FAT4: variants seen among roughly 807,000 people sequenced by gnomAD.
The protein encoded by FAT4 is protocadherin Fat 4.
FAT4 carries 84 observed loss-of-function variants against 303.9 expected under a neutral mutation model. The ratio of observed to expected loss-of-function variants is 0.28; its 90% confidence interval spans 0.23 to 0.33. The LOEUF (loss-of-function observed/expected upper bound fraction) is 0.33. Ranked by LOEUF, FAT4 falls within the 10% of genes least tolerant of loss-of-function variation. FAT4 has a pLI of 1.00. For missense variants in FAT4, 6,005 were observed against 6,146.8 expected (o/e 0.98, Z 0.77); for synonymous variants, 2,307 against 2,298.8 (o/e 1.00, Z -0.10).
intron 2 of FAT4, among the ~76,000 whole-genome samples, chr4:125,336,251 A>G (rs370135287): frequency 3.5e-4 from 54 of 152,204 alleles, no homozygotes; most frequent in African/African-American, 1.2e-3. Context: ...GACATAACCA[A>G]GAACAGAAGG....
In FAT4 at chr4:125,448,801, A is replaced by G. The variant is rs755683078; in HGVS notation, c.7791A>G (p.Arg2597=). Residue 2597 remains arginine, a synonymous_variant, in exon 10 of 18, where the codon AGA becomes AGG. Coordinates refer to ENST00000394329, the MANE Select transcript of FAT4 (RefSeq NM_001291303.3). ...LVTTITGSSL[R]GEPMSYYIAS... is the part of the protein sequence containing the mutation. ...CCACCATCACAGGATCCTCTTTAAG[A>G]GGAGAACCTATGTCATATTATATCG... 1 of 1,610,176 alleles carries G rather than the reference A, an allele frequency of 6.2e-7. No individual in the cohort carries two copies. The highest frequency in any genetic ancestry group is 8.5e-7 in the Non-Finnish European group (1 of 1,179,904).
chr4:125,431,701 G>T (rs750475778), intron 7 of FAT4, among the ~76,000 whole-genome samples: 13 of 152,064 alleles, frequency 8.5e-5, no homozygotes, highest in Non-Finnish European at 1.6e-4. Context: ...AGTGAGTAGA[G>T]TGAAATATCA....
chr4:125,490,083 G>A lies in FAT4; in HGVS notation c.13267G>A (p.Ala4423Thr). Residue 4423 changes from alanine to threonine, a missense_variant, in exon 18 of 18, where the codon GCC becomes ACC. Physicochemically the swap from Ala to Thr is moderately conservative, Grantham distance 58 (BLOSUM62 0). Transcript: ENST00000394329. ...TTTGCTGTGCATTAATCAGTGGTAT[G>A]CCTACAGGTGTGTCCCTCCTGGGGA... ...GDLLCINQWY[A>T]YRCVPPGDCA... 2 of 1,614,042 alleles carry A rather than the reference G, an allele frequency of 1.2e-6. No homozygotes were observed.
rs962475320 is a variant in FAT4 at position 125,415,384 on chromosome 4, G to A, written c.6421G>A (p.Val2141Ile). ...ATCTCTCTCTTCATCTACAGAGGTT[G>A]TAGTTATGGTACTTGACATCAATGA... is the stretch of plus-strand genomic sequence containing the variant. ...QPSLSSSTEV[V>I]VMVLDINDNN... Residue 2141 changes from valine (V) to isoleucine (I), a missense_variant, in exon 6 of 18, where the codon GTA becomes ATA. Val to Ile is a conservative substitution (Grantham distance 29). Transcript: ENST00000394329. The A allele has an allele frequency of 6.2e-7, 1 of 1,614,048 alleles. No homozygotes were observed. Among genetic ancestry groups the A allele is most frequent in the Non-Finnish European group, 8.5e-7 (1 of 1,179,988 alleles).
intron 2 of FAT4, among the ~76,000 whole-genome samples, chr4:125,381,361 G>A (rs900764415): frequency 6.6e-6 from 1 of 152,128 alleles, no homozygotes. Flanking sequence ...GTATACCTCT[G>A]AGACATTTCA....
At chr4:125,433,650 A>C (rs1391041905) in intron 7 of FAT4, among the ~76,000 whole-genome samples, 3 of 152,258 alleles carry the variant, frequency 2.0e-5, no homozygotes, top group Admixed American at 1.3e-4. Flanking sequence ...TAGAAGCAGC[A>C]CACATGATTC....
intron 8 of FAT4, among the ~76,000 whole-genome samples, chr4:125,438,202 G>A (rs982297892): frequency 6.6e-6 from 1 of 152,122 alleles, no homozygotes; most frequent in African/African-American, 2.4e-5. Flanking sequence ...TGAATATGAA[G>A]TTGAATGTTT....
intron 10 of FAT4, among the ~76,000 whole-genome samples, chr4:125,461,529 CATG>C (rs1196475837): frequency 3.3e-5 from 5 of 151,868 alleles, no homozygotes; most frequent in African/African-American, 1.2e-4. Context: ...AACATGTTTT[CATG>C]ATAACAAGGC....
intron 17 of FAT4, among the ~76,000 whole-genome samples, chr4:125,488,575 A>G (rs1727492179): frequency 6.6e-6 from 1 of 152,276 alleles, no homozygotes; most frequent in African/African-American, 2.4e-5. Flanking sequence ...GATTATGGTA[A>G]AATTCAAGGA....
chr4:125,400,044 A>G (rs1344033059), intron 3 of FAT4, among the ~76,000 whole-genome samples: 2 of 151,862 alleles, frequency 1.3e-5, no homozygotes. Context: ...CTCTTATTTG[A>G]AAGTAGCAGC....
At chr4:125,399,000 AC>A in intron 3 of FAT4, 85 bp downstream of exon 3, 2 of 1,270,490 alleles carry the variant, frequency 1.6e-6, no homozygotes, top group Non-Finnish European at 2.3e-6. Flanking sequence ...TACTTTTATT[AC>A]CCAATAATTA....
rs554389976 is a variant in FAT4, at chr4:125,398,495, G to A, written c.5176-289G>A. ...GTTCCATAGTGATGTGCAAATCTGG[G>A]GATTAAAATGACAGTTAATCAGTGG... On this transcript the variant is annotated intron_variant, in intron 2 of 17. Coordinates refer to ENST00000394329, the MANE Select transcript of FAT4 (RefSeq NM_001291303.3). Among the ~76,000 whole-genome samples the A allele has an allele frequency of 4.6e-5, 7 of 152,120 alleles. No homozygotes were observed. The East Asian group carries it at 1.4e-3, about 29-fold the overall frequency.
In FAT4 at chr4:125,468,761, C is replaced by A. The variant is rs866449068; in HGVS notation, c.12155C>A (p.Thr4052Asn). ...GGCAGTGGTACATATAAGCTCACCA[C>A]CATGAAGAAGGTGTCAGATGGACAT... The part of the protein sequence containing the change: ...NLGSGTYKLT[T>N]MKKVSDGHFH... Residue 4052 changes from threonine to asparagine, a missense_variant, in exon 12 of 18, where the codon ACC becomes AAC. Thr to Asn is a moderately conservative substitution (Grantham distance 65, BLOSUM62 0). Transcript: ENST00000394329. 2 of 1,613,896 alleles carry A rather than the reference C, an allele frequency of 1.2e-6. No individual in the cohort carries two copies. Among genetic ancestry groups the A allele is most frequent in the Non-Finnish European group, 1.7e-6 (2 of 1,179,902 alleles).
rs1307503804 is a variant in FAT4, at chr4:125,354,171, G to A, written c.5175+32585G>A. ...TGCTATTACTAAGATTATTTTATAA[G>A]ATTTTACCCCAGATTTTCATAGGTA... On this transcript the variant is annotated intron_variant, in intron 2 of 17. Transcript: ENST00000394329. 2.0e-5 allele frequency among the ~76,000 whole-genome samples: 3 copies of A among 151,580 alleles called. No homozygotes were observed. The Admixed American group carries it at 2.0e-4, about 10-fold the overall frequency.
chr4:125,389,459 C>A (rs114763992), intron 2 of FAT4, among the ~76,000 whole-genome samples: 1 of 151,788 alleles, frequency 6.6e-6, no homozygotes, highest in African/African-American at 2.4e-5. Flanking sequence ...TTTTTTTCTT[C>A]TAGTTCTAAA....
rs767519597 is a variant in FAT4, at chr4:125,415,535, A to G, written c.6572A>G (p.Tyr2191Cys). ...GAAGGCACAAATGGACAGGTTCGCT[A>G]TGGCATTGTTAATGGTAATACCAAT... ...GDEGTNGQVR[Y>C]GIVNGNTNQE... The change falls in exon 6 of 18, where the codon TAT becomes TGT. Residue 2191 changes from tyrosine to cysteine, a missense_variant. Tyr to Cys is a radical substitution (Grantham distance 194). Transcript: ENST00000394329. 1 of 1,614,094 alleles carries G rather than the reference A, an allele frequency of 6.2e-7. No individual in the cohort carries two copies. Among genetic ancestry groups the G allele is most frequent in the Non-Finnish European group, 8.5e-7 (1 of 1,179,964 alleles).
intron 12 of FAT4, among the ~76,000 whole-genome samples, chr4:125,475,336 A>G (rs1393793295): frequency 6.6e-6 from 1 of 152,090 alleles, no homozygotes; most frequent in African/African-American, 2.4e-5. Flanking sequence ...GCTGGTACTC[A>G]TTATACAGGA....
chr4:125,465,866 G>A (rs1726643135), intron 11 of FAT4, among the ~76,000 whole-genome samples: 2 of 152,104 alleles, frequency 1.3e-5, no homozygotes. Context: ...CTGAAACACT[G>A]CTATGTAATT....
chr4:125,422,361 G>A (rs942277532), intron 7 of FAT4, among the ~76,000 whole-genome samples: 6 of 152,084 alleles, frequency 3.9e-5, no homozygotes, highest in Admixed American at 1.3e-4. Context: ...CCACCAAATC[G>A]CATCTTGAAT....
Sources: allele counts gnomAD v4.1 joint callset (sites outside exome capture counted in the v4.1 genomes callset), GRCh38; gene constraint gnomAD v4.1.1; transcripts MANE v1.5; gene names NCBI Gene and HGNC (gene_info 2026-07-23, HGNC 2026-07-21).